ADARB2: variants seen among roughly 807,000 people sequenced by gnomAD.
ADARB2 encodes the protein adenosine deaminase RNA specific B2 (inactive).
A neutral mutation model predicts 62.2 loss-of-function variants in ADARB2; 25 were observed. The observed-to-expected ratio is 0.40, with a 90% CI of 0.29 to 0.56. The LOEUF (loss-of-function observed/expected upper bound fraction) is 0.56, where lower values mean the gene tolerates loss of function less well. ADARB2 is among the 20% of genes least tolerant of loss of function. The pLI is 0.43. For missense variants in ADARB2, 1,071 were observed against 1,077.4 expected (o/e 0.99, Z 0.08); for synonymous variants, 572 against 500.8 (o/e 1.14, Z -1.90).
chr10:1,421,160 C>A (rs1299461294), intron 1 of ADARB2, among the ~76,000 whole-genome samples: 1 of 152,020 alleles, frequency 6.6e-6, no homozygotes, highest in African/African-American at 2.4e-5. Flanking sequence ...CTCCTTCAGA[C>A]CTGCCTTGAT....
At position 1,662,362 on chromosome 10, in the gene ADARB2, G is replaced by A. The variant is rs1237959732; in HGVS notation, c.100+74689C>T. ...GCCTCAGGAACTGAATTCAGCCAGC[G>A]CCCTGATTGAACCGGGGCAGGGCCC... On this transcript the variant is annotated intron_variant, in intron 1 of 9. Coordinates refer to ENST00000381312, the MANE Select transcript of ADARB2 (RefSeq NM_018702.4). 2.0e-5 allele frequency among the ~76,000 whole-genome samples: 3 copies of A among 152,144 alleles called. No homozygotes were observed. In the East Asian group the frequency reaches 5.8e-4, roughly 29 times the overall value.
intron 3 of ADARB2, among the ~76,000 whole-genome samples, chr10:1,277,942 T>G (rs1298383907): frequency 6.6e-6 from 1 of 151,852 alleles, no homozygotes; most frequent in Non-Finnish European, 1.5e-5. Flanking sequence ...GCTTCCTTCC[T>G]TCCTTCCTTC....
chr10:1,543,967 G>C (rs1432000193), intron 1 of ADARB2, among the ~76,000 whole-genome samples: 1 of 142,304 alleles, frequency 7.0e-6, no homozygotes, highest in Non-Finnish European at 1.5e-5. Context: ...TCCACAGATA[G>C]CTCTTACTGA....
intron 1 of ADARB2, among the ~76,000 whole-genome samples, chr10:1,420,835 G>A (rs1181591290): frequency 6.6e-6 from 1 of 152,180 alleles, no homozygotes; most frequent in African/African-American, 2.4e-5. Flanking sequence ...GAAAGAAGCA[G>A]TGCTATGTCT....
intron 3 of ADARB2, among the ~76,000 whole-genome samples, chr10:1,308,395 G>C (rs1351920335): frequency 6.6e-6 from 1 of 152,220 alleles, no homozygotes; most frequent in South Asian, 2.1e-4. Context: ...TGTATCCACT[G>C]GCTTACTGAA....
chr10:1,718,284 T>G lies in ADARB2; in HGVS notation c.100+18767A>C, dbSNP rs1329700291. 3.3e-5 allele frequency among the ~76,000 whole-genome samples: 5 copies of G among 152,216 alleles called. No individual in the cohort carries two copies. The East Asian group carries it at 9.6e-4, about 29-fold the overall frequency. ...TTCTGGAGCTTAGCTCTTCCCACTC[T>G]CCATGTTCCTTGCCTGTGACTTGGA... On this transcript the variant is annotated intron_variant, in intron 1 of 9. Transcript: ENST00000381312.
At chr10:1,553,410 G>A (rs575918398) in intron 1 of ADARB2, among the ~76,000 whole-genome samples, 1 of 152,238 alleles carries the variant, frequency 6.6e-6, no homozygotes, top group Non-Finnish European at 1.5e-5. Context: ...CGTCAGCAGC[G>A]CGAGAGGCAC....
intron 1 of ADARB2, among the ~76,000 whole-genome samples, chr10:1,475,082 G>A (rs1050589880): frequency 1.3e-5 from 2 of 152,146 alleles, no homozygotes; most frequent in African/African-American, 2.4e-5. Context: ...CAGGTCAGGC[G>A]CTCAGGAAGA....
chr10:1,501,776 G>A (rs529254500), intron 1 of ADARB2, among the ~76,000 whole-genome samples: 1 of 152,168 alleles, frequency 6.6e-6, no homozygotes, highest in South Asian at 2.1e-4. Context: ...CTCCCCACTG[G>A]GCATTTCAGG....
chr10:1,199,872 G>A, intron 8 of ADARB2, 94 bp downstream of exon 8: 1 of 1,311,468 alleles, frequency 7.6e-7, no homozygotes, highest in Non-Finnish European at 1.0e-6. Flanking sequence ...AGCCAACATG[G>A]ATGAAGTCTG....
intron 1 of ADARB2, among the ~76,000 whole-genome samples, chr10:1,593,491 A>G (rs1833294520): frequency 6.6e-6 from 1 of 152,236 alleles, no homozygotes; most frequent in Admixed American, 6.5e-5. Flanking sequence ...CATATGAAAC[A>G]TCCTTTAGGT....
chr10:1,510,037 C>A (rs1377991188), intron 1 of ADARB2, among the ~76,000 whole-genome samples: 1 of 145,474 alleles, frequency 6.9e-6, no homozygotes, highest in Non-Finnish European at 1.5e-5. Context: ...CTCTTTCTTT[C>A]TTTTCTCTCT....
At chr10:1,321,475 G>T (rs931673906) in intron 3 of ADARB2, among the ~76,000 whole-genome samples, 15 of 152,042 alleles carry the variant, frequency 9.9e-5, no homozygotes, top group African/African-American at 3.1e-4. Context: ...TGAACTCCTG[G>T]GCTCAAGTGA....
intron 2 of ADARB2, among the ~76,000 whole-genome samples, chr10:1,371,261 C>A (rs2131855164): frequency 6.6e-6 from 1 of 152,298 alleles, no homozygotes; most frequent in East Asian, 1.9e-4. Flanking sequence ...TGAAACTGGA[C>A]CCCTATCTCT....
chr10:1,305,852 A>G (rs996555625), intron 3 of ADARB2, among the ~76,000 whole-genome samples: 15 of 151,872 alleles, frequency 9.9e-5, no homozygotes, highest in African/African-American at 3.6e-4. Flanking sequence ...AAATTCAACA[A>G]CCCTTCATGC....
chr10:1,705,610 C>T (rs888849697), intron 1 of ADARB2, among the ~76,000 whole-genome samples: 2 of 152,192 alleles, frequency 1.3e-5, no homozygotes, highest in Admixed American at 6.5e-5. Context: ...AAATTTCAGA[C>T]ATAACTGTCC....
chr10:1,697,270 TCAAA>T (rs1393007903), intron 1 of ADARB2, among the ~76,000 whole-genome samples: 1 of 152,006 alleles, frequency 6.6e-6, no homozygotes, highest in Non-Finnish European at 1.5e-5. Flanking sequence ...GAAAGGAAAA[TCAAA>T]CAAAATCCAG....
At chr10:1,648,453 T>C (rs573142832) in intron 1 of ADARB2, among the ~76,000 whole-genome samples, 5 of 152,288 alleles carry the variant, frequency 3.3e-5, no homozygotes, top group African/African-American at 9.6e-5. Flanking sequence ...TTTAAAAGTG[T>C]GTTTTTTAGG....
At position 1,535,709 on chromosome 10, in the gene ADARB2, G is replaced by A. The variant is rs188070346; in HGVS notation, c.101-156549C>T. 454 of 167,120 alleles carry A rather than the reference G, an allele frequency of 2.7e-3. 6 individuals carry two copies. Among genetic ancestry groups the A allele is most frequent in the South Asian group, 4.2e-4 (2 of 4,802 alleles). The allele number at this position is 167,120 out of a possible 1,614,324, so 10.4% of individuals were successfully genotyped here. On this transcript the variant is annotated intron_variant, in intron 1 of 9. Transcript: ENST00000381312. The stretch of plus-strand genomic sequence containing the variant: ...TGGGTTCCCTTGAGGGGACTCTGTC[G>A]ACATAACTCACCCTGTCCCGGGTGG...
Sources: gnomAD v4.1 joint callset for allele counts (sites outside exome capture counted in the v4.1 genomes callset) on GRCh38, gnomAD v4.1.1 for gene constraint, MANE v1.5 for transcripts, NCBI Gene and HGNC (gene_info 2026-07-23, HGNC 2026-07-21) for gene names.